AOPEP: variants seen among roughly 807,000 people sequenced by gnomAD.
AOPEP encodes aminopeptidase O.
AOPEP carries 77 observed loss-of-function variants against 98.1 expected under a neutral mutation model. The observed-to-expected ratio is 0.78, with a 90% CI of 0.65 to 0.95. AOPEP has a LOEUF of 0.95. AOPEP is among the 40% of genes least tolerant of loss of function. The pLI is 0.00. For missense variants in AOPEP, 1,024 were observed against 1,024.7 expected (o/e 1.00, Z 0.01); for synonymous variants, 346 against 365.3 (o/e 0.95, Z 0.60).
intron 1 of AOPEP, among the ~76,000 whole-genome samples, chr9:94,749,322 T>A (rs187445310): frequency 1.3e-5 from 2 of 152,288 alleles, no homozygotes; most frequent in South Asian, 4.2e-4. Flanking sequence ...CTTCTTTACT[T>A]TAGAGGTCCA....
intron 5 of AOPEP, among the ~76,000 whole-genome samples, chr9:94,922,551 A>G (rs1349271455): frequency 6.6e-6 from 1 of 152,032 alleles, no homozygotes; most frequent in Non-Finnish European, 1.5e-5. Context: ...GCCAGGTTGC[A>G]CAGTTTGTCT....
chr9:95,126,674 T>G, the AOPEP span: 1 of 1,309,692 alleles, frequency 7.6e-7, no homozygotes. Flanking sequence ...TGGGAACTGC[T>G]GATGTCCAGA....
chr9:95,041,444 GGGGTGTGTGTGTGTGT>G (rs1490655544), intron 13 of AOPEP, among the ~76,000 whole-genome samples: 6 of 144,406 alleles, frequency 4.2e-5, no homozygotes, highest in South Asian at 4.4e-4. Flanking sequence ...AGAGTCCTTG[GGGGTGTGTGTGTGTGT>G]GTGTGTGTGT....
intron 14 of AOPEP, among the ~76,000 whole-genome samples, chr9:95,064,792 AT>A (rs11285620): frequency 0.77 from 116,643 of 152,104 alleles, 46,825 homozygotes; most frequent in Non-Finnish European, 0.89. Flanking sequence ...TATGAATTTC[AT>A]TTGGGCCAAA....
chr9:94,848,464 A>AG (rs1283968405), intron 5 of AOPEP, among the ~76,000 whole-genome samples: 2 of 150,978 alleles, frequency 1.3e-5, no homozygotes, highest in East Asian at 3.9e-4. Flanking sequence ...AAAAAAAAAA[A>AG]AAAAAAAAAT....
intron 5 of AOPEP, among the ~76,000 whole-genome samples, chr9:94,827,532 G>A (rs776146214): frequency 3.3e-5 from 5 of 152,166 alleles, no homozygotes; most frequent in Non-Finnish European, 7.3e-5. Context: ...TGAGGACATA[G>A]ACTGTCTTTT....
intron 5 of AOPEP, among the ~76,000 whole-genome samples, chr9:94,826,703 ATGGTGGTGG>A (rs762593808): frequency 6.6e-6 from 1 of 152,040 alleles, no homozygotes; most frequent in Admixed American, 6.6e-5. Flanking sequence ...GATAATAATG[ATGGTGGTGG>A]TGGTGGTGGT....
At chr9:94,976,560 A>G (rs1366603110) in intron 10 of AOPEP, among the ~76,000 whole-genome samples, 1 of 151,026 alleles carries the variant, frequency 6.6e-6, no homozygotes, top group Non-Finnish European at 1.5e-5. Context: ...GATCGTCACT[A>G]TTGCTCTCTC....
chr9:94,972,709 G>A lies in AOPEP; in HGVS notation c.1916+4908G>A, dbSNP rs962472604. 6.6e-6 allele frequency among the ~76,000 whole-genome samples: 1 copy of A among 152,144 alleles called. No homozygotes were observed. The highest frequency in any genetic ancestry group is 1.9e-4 in the East Asian group (1 of 5,188). On this transcript the variant is annotated intron_variant, in intron 10 of 16. Coordinates refer to ENST00000375315, the MANE Select transcript of AOPEP (RefSeq NM_001193329.3). The surrounding 1 kb of genome is among the most constrained non-coding windows in gnomAD (Gnocchi z 4.2). ...TCCCAGCACTTTGGGAGGCCAAGGT[G>A]GGCAGATCACTTTTAGCTTAGGAGT...
chr9:94,929,561 TC>T lies in AOPEP; in HGVS notation c.1661+1031del, dbSNP rs1313125523. ...CTCCCAAGTTGACTCATCCATTGTTTCGGAAAGGAGATCTAGCGGAGGGAAG... is the reference window on the plus strand; with the variant it reads ...CTCCCAAGTTGACTCATCCATTGTTTGGAAAGGAGATCTAGCGGAGGGAAG... On this transcript the variant is annotated intron_variant, in intron 7 of 16. Coordinates refer to ENST00000375315, the MANE Select transcript of AOPEP (RefSeq NM_001193329.3). Among the ~76,000 whole-genome samples, 148 of 152,376 alleles carry T rather than the reference TC, an allele frequency of 9.7e-4. 1 individual carries two copies. The highest frequency in any genetic ancestry group is 3.4e-3 in the African/African-American group (143 of 41,588).
intron 7 of AOPEP, among the ~76,000 whole-genome samples, chr9:94,944,920 AAG>A (rs2057446187): frequency 6.6e-6 from 1 of 152,204 alleles, no homozygotes. Context: ...TTTTTTAAAA[AAG>A]AGAGAGATTG....
At chr9:94,891,692 A>G (rs2048898997) in intron 5 of AOPEP, among the ~76,000 whole-genome samples, 1 of 152,166 alleles carries the variant, frequency 6.6e-6, no homozygotes, top group South Asian at 2.1e-4. Flanking sequence ...TGTTTCCTCT[A>G]GATACATTGT....
chr9:94,784,096 G>A (rs907178139), intron 3 of AOPEP, among the ~76,000 whole-genome samples: 4 of 152,188 alleles, frequency 2.6e-5, no homozygotes, highest in Admixed American at 6.5e-5. Context: ...AATTTGCAGT[G>A]AAAACAATAA....
At chr9:94,794,060 G>A (rs1238468826) in intron 4 of AOPEP, among the ~76,000 whole-genome samples, 1 of 152,238 alleles carries the variant, frequency 6.6e-6, no homozygotes, top group Non-Finnish European at 1.5e-5. Flanking sequence ...CTTGGGTTAA[G>A]GGAATCCTGC....
intron 5 of AOPEP, among the ~76,000 whole-genome samples, chr9:94,845,063 G>A (rs1051759585): frequency 3.3e-5 from 5 of 152,228 alleles, no homozygotes; most frequent in African/African-American, 1.2e-4. Flanking sequence ...TGGAACTTGA[G>A]TTCTGCTAGG....
At chr9:94,782,490 C>G (rs949701087) in intron 3 of AOPEP, among the ~76,000 whole-genome samples, 1 of 152,160 alleles carries the variant, frequency 6.6e-6, no homozygotes, top group Non-Finnish European at 1.5e-5. Context: ...GTGGGAAATT[C>G]CAGGAAAAAG....
chr9:94,996,348 C>CTCTGTG (rs1292153955), intron 11 of AOPEP, among the ~76,000 whole-genome samples: 1 of 113,390 alleles, frequency 8.8e-6, no homozygotes, highest in East Asian at 3.0e-4. Context: ...TTTTACTTGC[C>CTCTGTG]TCTGTGTGTG....
chr9:94,789,604 T>C (rs1171391859), intron 3 of AOPEP, among the ~76,000 whole-genome samples: 4 of 152,202 alleles, frequency 2.6e-5, no homozygotes, highest in Non-Finnish European at 5.9e-5. Flanking sequence ...GGAGCAGTCA[T>C]GGGAGACATT....
At position 94,792,733 on chromosome 9, in the gene AOPEP, C is replaced by T. The variant is rs565347996; in HGVS notation, c.965-32C>T. The T allele has an allele frequency of 2.8e-5, 44 of 1,549,158 alleles. 1 individual carries two copies. The East Asian group carries it at 7.0e-4, about 25-fold the overall frequency. On this transcript the variant is annotated intron_variant, in intron 3 of 16. Transcript: ENST00000375315. The stretch of plus-strand genomic sequence containing the variant: ...AGCAGAGCCCAGGATCATATATTGG[C>T]CTCATTATGGTTTTTCTCTTCCTGT...
Sources: allele counts gnomAD v4.1 joint callset (sites outside exome capture counted in the v4.1 genomes callset), GRCh38; gene constraint gnomAD v4.1.1; non-coding constraint Gnocchi (gnomAD v3.1); transcripts MANE v1.5; gene names NCBI Gene and HGNC (gene_info 2026-07-23, HGNC 2026-07-21).